Variants in GABRB3 observed in about 807,000 individuals in gnomAD.
The protein encoded by GABRB3 is gamma-aminobutyric acid type A receptor subunit beta3, also known as gamma-aminobutyric acid receptor subunit beta-3.
Under a neutral mutation model 52.1 loss-of-function variants are expected in GABRB3, and 14 were observed. That is an observed-to-expected ratio of 0.27 (90% confidence interval 0.18 to 0.42). GABRB3 has a LOEUF of 0.42. Ranked by LOEUF, GABRB3 falls within the 10% of genes least tolerant of loss-of-function variation. The pLI, the probability that GABRB3 is intolerant of heterozygous loss-of-function variation, is 1.00. For synonymous variants in GABRB3, 260 were observed against 232.3 expected (o/e 1.12, Z -1.08); for missense variants, 307 against 609.1 (o/e 0.50, Z 5.22).
intron 3 of GABRB3, among the ~76,000 whole-genome samples, chr15:26,627,572 T>A (rs1892753164): frequency 6.6e-6 from 1 of 151,802 alleles, no homozygotes; most frequent in African/African-American, 2.4e-5. Flanking sequence ...ATTCCAGCCC[T>A]CATGGATGAC....
At position 26,580,455 on chromosome 15, in the gene GABRB3, A is replaced by G; in HGVS notation, c.546T>C (p.Tyr182=). 1.2e-6 allele frequency: 2 copies of G among 1,614,212 alleles called. No individual in the cohort carries two copies. Among genetic ancestry groups the G allele is most frequent in the East Asian group, 4.5e-5 (2 of 44,878 alleles). The change falls in exon 6 of 9, where the codon TAT becomes TAC. Residue 182 remains tyrosine, a splice_region_variant and synonymous_variant. Transcript: ENST00000311550. ...EQNCTLEIES[Y]GYTTDDIEFY... is the part of the protein sequence containing the mutation. ...ACTCAATGTCATCCGTGGTGTAGCC[A>G]TCTGCCAAGAGAGAAGCAGGGAGAC...
chr15:26,678,666 G>A (rs994323993), intron 3 of GABRB3, among the ~76,000 whole-genome samples: 13 of 152,098 alleles, frequency 8.5e-5, no homozygotes, highest in Admixed American at 5.2e-4. Flanking sequence ...GATTCTAAAG[G>A]AAATATGGAT....
At chr15:26,765,610 A>G (rs1890975768) in intron 3 of GABRB3, among the ~76,000 whole-genome samples, 1 of 152,102 alleles carries the variant, frequency 6.6e-6, no homozygotes, top group Admixed American at 6.5e-5. Flanking sequence ...ATTCCTTTCC[A>G]CAAATATTCG....
At chr15:26,642,223 C>T (rs545845137) in intron 3 of GABRB3, among the ~76,000 whole-genome samples, 1 of 152,206 alleles carries the variant, frequency 6.6e-6, no homozygotes, top group South Asian at 2.1e-4. Context: ...TATAGTTGGA[C>T]CTCCATATCC....
At chr15:26,669,810 A>AGC (rs1284738773) in intron 3 of GABRB3, among the ~76,000 whole-genome samples, 2 of 152,012 alleles carry the variant, frequency 1.3e-5, no homozygotes, top group Non-Finnish European at 2.9e-5. Flanking sequence ...TCCCTGTAAG[A>AGC]GCTCTGAGTT....
At chr15:26,622,846 G>A (rs906293482) in intron 3 of GABRB3, among the ~76,000 whole-genome samples, 1 of 152,128 alleles carries the variant, frequency 6.6e-6, no homozygotes, top group Non-Finnish European at 1.5e-5. Context: ...CTATATCACT[G>A]TAAACAAAAT....
At chr15:26,658,838 T>C (rs1394926076) in intron 3 of GABRB3, 1 of 152,240 alleles carries the variant, frequency 6.6e-6, no homozygotes. Context: ...GGAACTGCTA[T>C]GTTGCCAATT....
chr15:26,623,406 C>T (rs557929399), intron 3 of GABRB3, among the ~76,000 whole-genome samples: 7 of 152,260 alleles, frequency 4.6e-5, no homozygotes, highest in East Asian at 1.9e-4. Flanking sequence ...CTTTGATCTG[C>T]GACCCTGTGG....
At chr15:26,596,198 G>A (rs1566765308) in intron 4 of GABRB3, among the ~76,000 whole-genome samples, 1 of 151,900 alleles carries the variant, frequency 6.6e-6, no homozygotes, top group Non-Finnish European at 1.5e-5. Flanking sequence ...GGAATTTAGT[G>A]AATAGAATTA....
chr15:26,568,496 CTTTCT>C (rs1194484452), intron 6 of GABRB3, among the ~76,000 whole-genome samples: 9 of 104,612 alleles, frequency 8.6e-5, no homozygotes, highest in African/African-American at 2.5e-4. Flanking sequence ...TTTTGTTTTC[CTTTCT>C]TTTTTTTTTT....
Position 26,629,286 on chromosome 15 carries a change from GGGCGTGGCCCGTAGCGGAAAA to G in GABRB3, c.241-7773_241-7753del, listed in dbSNP as rs1220327918. Reference sequence around the variant, plus strand: ...GAGGAGGCGTGGTCTGTGGCTCGAGGGGCGTGGCCCGTAGCGGAAAAGGCGTGGCCCAGCTCAGGAGCCTGG... The same window carrying G: ...GAGGAGGCGTGGTCTGTGGCTCGAGGGGCGTGGCCCAGCTCAGGAGCCTGG... On this transcript the variant is annotated intron_variant, in intron 3 of 8. Coordinates refer to ENST00000311550, the MANE Select transcript of GABRB3 (RefSeq NM_000814.6). 9 of 951,612 alleles carry G rather than the reference GGGCGTGGCCCGTAGCGGAAAA, an allele frequency of 9.5e-6. No homozygotes were observed. The Admixed American group carries it at 2.8e-4, about 30-fold the overall frequency. 58.9% of individuals were successfully genotyped at this position (951,612 alleles called of 1,614,324 possible).
At chr15:26,599,818 G>C (rs886923516) in intron 4 of GABRB3, among the ~76,000 whole-genome samples, 30 of 152,204 alleles carry the variant, frequency 2.0e-4, no homozygotes, top group African/African-American at 6.3e-4. Flanking sequence ...ACAATGGAAG[G>C]ACACAAGGAT....
intron 3 of GABRB3, among the ~76,000 whole-genome samples, chr15:26,689,875 G>A (rs571871022): frequency 2.5e-4 from 38 of 152,214 alleles, no homozygotes; most frequent in Non-Finnish European, 4.4e-4. Context: ...GGACGATAAC[G>A]AGGCGTGCCT....
chr15:26,610,244 C>T (rs1034566806), intron 4 of GABRB3, among the ~76,000 whole-genome samples: 4 of 152,092 alleles, frequency 2.6e-5, no homozygotes, highest in Non-Finnish European at 5.9e-5. Flanking sequence ...TGCATATAAA[C>T]CCCTAATTTT....
intron 3 of GABRB3, among the ~76,000 whole-genome samples, chr15:26,710,932 G>A (rs1889274214): frequency 1.3e-5 from 2 of 151,096 alleles, no homozygotes; most frequent in Middle Eastern, 3.4e-3. Context: ...GTTCTCCTGG[G>A]AGACTGTTTT....
intron 3 of GABRB3, among the ~76,000 whole-genome samples, chr15:26,766,079 C>T (rs1419594020): frequency 6.6e-6 from 1 of 152,154 alleles, no homozygotes; most frequent in South Asian, 2.1e-4. Flanking sequence ...TGACATAATA[C>T]CTGAAGCATT....
intron 3 of GABRB3, among the ~76,000 whole-genome samples, chr15:26,712,178 CTTT>C (rs3046011): frequency 2.0e-5 from 3 of 146,546 alleles, no homozygotes. Context: ...ACTTTTCTTT[CTTT>C]TTTTTTTTTT....
chr15:26,571,650 T>C (rs1414740311), intron 6 of GABRB3, among the ~76,000 whole-genome samples: 1 of 152,158 alleles, frequency 6.6e-6, no homozygotes, highest in African/African-American at 2.4e-5. Context: ...ATTAGGGACC[T>C]TGAAGAAGAG....
At chr15:26,714,142 A>G (rs1889393257) in intron 3 of GABRB3, among the ~76,000 whole-genome samples, 1 of 152,244 alleles carries the variant, frequency 6.6e-6, no homozygotes, top group African/African-American at 2.4e-5. Flanking sequence ...GAGCTACGAC[A>G]AATCACCTAT....
Sources: gnomAD v4.1 joint callset for allele counts (sites outside exome capture counted in the v4.1 genomes callset) on GRCh38, gnomAD v4.1.1 for gene constraint, MANE v1.5 for transcripts, NCBI Gene and HGNC (gene_info 2026-07-23, HGNC 2026-07-21) for gene names.